The following FAF1 variants were observed in gnomAD, a reference collection of about 807,000 sequenced individuals.
FAF1 encodes Fas associated factor 1.
FAF1 carries 25 observed loss-of-function variants against 92.5 expected under a neutral mutation model. The ratio of observed to expected loss-of-function variants is 0.27; its 90% CI spans 0.20 to 0.38. FAF1 has a LOEUF of 0.38. Among genes scored for constraint, FAF1 ranks in the 10% least tolerant of loss-of-function variants. The pLI is 1.00. For missense variants in FAF1, 636 were observed against 793.3 expected (o/e 0.80, Z 2.38); for synonymous variants, 234 against 273.2 (o/e 0.86, Z 1.42).
chr1:50,826,307 T>C (rs938626502), intron 2 of FAF1, among the ~76,000 whole-genome samples: 1 of 152,160 alleles, frequency 6.6e-6, no homozygotes, highest in African/African-American at 2.4e-5. Context: ...TCCCAGCACT[T>C]TTGGAGGCTG....
chr1:50,865,001 A>C (rs1434582140), intron 1 of FAF1, among the ~76,000 whole-genome samples: 1 of 152,192 alleles, frequency 6.6e-6, no homozygotes, highest in Admixed American at 6.6e-5. Context: ...CAAGAAAAAA[A>C]ACAACCCCAT....
At chr1:50,631,935 T>C (rs1244832794) in intron 8 of FAF1, among the ~76,000 whole-genome samples, 1 of 152,234 alleles carries the variant, frequency 6.6e-6, no homozygotes, top group African/African-American at 2.4e-5. Context: ...TGTTTTACTA[T>C]TATTGTTGCA....
Position 50,960,262 on chromosome 1 carries a change from C to A in FAF1, c.-451G>T. 3.0e-6 allele frequency: 1 copy of A among 331,154 alleles called. No individual in the cohort carries two copies. The highest frequency in any genetic ancestry group is 1.5e-4 in the South Asian group (1 of 6,860). 20.5% of individuals were successfully genotyped at this position (331,154 alleles called of 1,614,324 possible). The stretch of plus-strand genomic sequence containing the variant: ...TCCTCCCTGGCCGCCGCCTCCGCCC[C>A]TGGTTGGCCAGCGCCACGGCTGTCG... On this transcript the variant is annotated 5_prime_UTR_variant, in exon 1 of 19. The change creates a new upstream start codon in the 5' untranslated region. Coordinates refer to ENST00000396153, the MANE Select transcript of FAF1 (RefSeq NM_007051.3).
At chr1:50,730,504 C>G (rs1298338016) in intron 6 of FAF1, among the ~76,000 whole-genome samples, 1 of 152,110 alleles carries the variant, frequency 6.6e-6, no homozygotes, top group African/African-American at 2.4e-5. Flanking sequence ...TTTCAGTGCA[C>G]TTACTCTGCG....
chr1:50,930,687 T>C (rs995201794), intron 1 of FAF1, among the ~76,000 whole-genome samples: 17 of 151,876 alleles, frequency 1.1e-4, no homozygotes, highest in Non-Finnish European at 1.9e-4. Context: ...TACAAAAAAT[T>C]AGCCAGGCAT....
intron 1 of FAF1, among the ~76,000 whole-genome samples, chr1:50,861,149 C>A (rs894927258): frequency 6.6e-6 from 1 of 151,748 alleles, no homozygotes; most frequent in African/African-American, 2.4e-5. Flanking sequence ...TCATTTCATA[C>A]CTCAAGCATC....
intron 3 of FAF1, among the ~76,000 whole-genome samples, chr1:50,795,123 C>T (rs1286352517): frequency 2.6e-5 from 4 of 152,132 alleles, no homozygotes; most frequent in Admixed American, 2.0e-4. Context: ...GACACCACAA[C>T]ATGGACTGCC....
chr1:50,795,288 A>C (rs912638100), intron 3 of FAF1, among the ~76,000 whole-genome samples: 1 of 152,192 alleles, frequency 6.6e-6, no homozygotes, highest in African/African-American at 2.4e-5. Context: ...TCTTCTCTGA[A>C]AAAGACACTT....
intron 8 of FAF1, among the ~76,000 whole-genome samples, chr1:50,620,937 T>G (rs909250700): frequency 1.3e-5 from 2 of 152,198 alleles, no homozygotes; most frequent in African/African-American, 2.4e-5. Context: ...TGCATTTTCT[T>G]TTGTTAGGTG....
chr1:50,855,061 G>A (rs774206565), intron 2 of FAF1, among the ~76,000 whole-genome samples: 9 of 151,682 alleles, frequency 5.9e-5, no homozygotes, highest in Admixed American at 3.3e-4. Flanking sequence ...TTGGATTAGC[G>A]ATACTAATAT....
chr1:50,808,483 G>A (rs1662294988), intron 2 of FAF1, among the ~76,000 whole-genome samples: 1 of 152,006 alleles, frequency 6.6e-6, no homozygotes, highest in Non-Finnish European at 1.5e-5. Context: ...AAGGAAGCAA[G>A]ACCTAACTGT....
intron 18 of FAF1, among the ~76,000 whole-genome samples, chr1:50,447,044 T>TGAGTTACAG (rs1646235237): frequency 6.7e-6 from 1 of 150,124 alleles, no homozygotes; most frequent in Non-Finnish European, 1.5e-5. Context: ...TCTCATTCCA[T>TGAGTTACAG]GAGTTACAGG....
At chr1:50,951,895 A>G (rs1028470890) in intron 1 of FAF1, among the ~76,000 whole-genome samples, 1 of 152,116 alleles carries the variant, frequency 6.6e-6, no homozygotes, top group Non-Finnish European at 1.5e-5. Flanking sequence ...GTGTCAAACT[A>G]AAAAAGAAAG....
intron 8 of FAF1, among the ~76,000 whole-genome samples, chr1:50,622,096 T>C (rs1569602617): frequency 7.0e-6 from 1 of 142,866 alleles, no homozygotes; most frequent in Non-Finnish European, 1.5e-5. Context: ...ATTCGGGAGG[T>C]GGAGGTTGCA....
At chr1:50,602,144 A>G (rs1162795206) in intron 8 of FAF1, among the ~76,000 whole-genome samples, 1 of 152,232 alleles carries the variant, frequency 6.6e-6, no homozygotes, top group African/African-American at 2.4e-5. Flanking sequence ...AACACAAGTG[A>G]ACGAGATTCA....
At chr1:50,578,044 T>C (rs1214610106) in intron 12 of FAF1, among the ~76,000 whole-genome samples, 2 of 152,218 alleles carry the variant, frequency 1.3e-5, no homozygotes, top group Non-Finnish European at 2.9e-5. Flanking sequence ...GTGTTTTACT[T>C]AGTGATTAAC....
intron 18 of FAF1, among the ~76,000 whole-genome samples, chr1:50,453,112 A>G (rs1356349621): frequency 1.3e-5 from 2 of 152,230 alleles, no homozygotes; most frequent in Non-Finnish European, 2.9e-5. Context: ...GGCTCCTAGC[A>G]GGACTTCAAT....
In FAF1 at chr1:50,570,528, TA is replaced by T. The variant is rs534640923; in HGVS notation, c.1114-3298del. On this transcript the variant is annotated intron_variant, in intron 12 of 18. Coordinates refer to ENST00000396153, the MANE Select transcript of FAF1 (RefSeq NM_007051.3). ...ACATGAGATGCCAGGAAAACACACT[TA>T]AAAAAAAAATTCCCACTTTAAGCTT... Among the ~76,000 whole-genome samples, 15 of 149,460 alleles carry T rather than the reference TA, an allele frequency of 1.0e-4. 1 individual carries two copies. The highest frequency in any genetic ancestry group is 2.7e-4 in the African/African-American group (11 of 40,786).
chr1:50,450,459 C>T (rs1219712830), intron 18 of FAF1, among the ~76,000 whole-genome samples: 2 of 152,200 alleles, frequency 1.3e-5, no homozygotes, highest in Non-Finnish European at 2.9e-5. Flanking sequence ...CACTGCCTCT[C>T]AACTTCTGAC....
Sources: allele counts gnomAD v4.1 joint callset (sites outside exome capture counted in the v4.1 genomes callset), GRCh38; gene constraint gnomAD v4.1.1; transcripts MANE v1.5; gene names NCBI Gene and HGNC (gene_info 2026-07-23, HGNC 2026-07-21).